Variants in TMEM131 observed in about 807,000 individuals in gnomAD.
TMEM131 encodes the protein 2610524E03Rik.
A neutral mutation model predicts 211.6 loss-of-function variants in TMEM131; 66 were observed. The observed-to-expected ratio is 0.31, with a 90% CI of 0.26 to 0.38. The LOEUF is 0.38. Ranked by LOEUF, TMEM131 falls within the 10% of genes least tolerant of loss-of-function variation. The probability of loss-of-function intolerance (pLI) is 1.00; values close to 1 mark genes in which losing one functional copy is unlikely to be tolerated. For missense variants in TMEM131, 2,036 were observed against 2,299.3 expected (o/e 0.89, Z 2.34); for synonymous variants, 844 against 841.3 (o/e 1.00, Z -0.06).
rs555666147 is a variant in TMEM131, at chr2:97,831,946, C to T, written c.1074+1419G>A. Among the ~76,000 whole-genome samples the T allele has an allele frequency of 7.4e-5, 10 of 134,402 alleles. No homozygotes were observed. In the South Asian group the frequency reaches 9.9e-4, roughly 13 times the overall value. The allele number at this position is 134,402 out of a possible 152,430, so 88.2% of individuals were successfully genotyped here. On this transcript the variant is annotated intron_variant, in intron 11 of 40. Coordinates refer to ENST00000186436, the MANE Select transcript of TMEM131 (RefSeq NM_015348.2). ...CCTCCCAAAGTGCTGGGATTACAGG[C>T]GTGAGGCCACCATGCCTGGCCTATT... is the stretch of plus-strand genomic sequence containing the variant.
chr2:97,851,400 C>T (rs1673622853), intron 5 of TMEM131, among the ~76,000 whole-genome samples: 1 of 152,198 alleles, frequency 6.6e-6, no homozygotes, highest in Admixed American at 6.5e-5. Flanking sequence ...TGACTCTTCT[C>T]TTTCTCTCAA....
At chr2:97,855,681 CAGAG>C (rs1673811742) in intron 5 of TMEM131, among the ~76,000 whole-genome samples, 1 of 144,820 alleles carries the variant, frequency 6.9e-6, no homozygotes, top group South Asian at 2.1e-4. Flanking sequence ...GCCTGGGTGA[CAGAG>C]AGAGACCCTG....
At chr2:97,877,309 C>G (rs1041439954) in intron 4 of TMEM131, among the ~76,000 whole-genome samples, 7 of 152,132 alleles carry the variant, frequency 4.6e-5, no homozygotes, top group Non-Finnish European at 1.0e-4. Context: ...CACTGCTATC[C>G]CCAACAAGCT....
At chr2:97,795,248 T>A in intron 28 of TMEM131, 133 bp from the exon 29 acceptor site, 2 of 576,272 alleles carry the variant, frequency 3.5e-6, no homozygotes, top group East Asian at 6.0e-5. Context: ...AACTTCCGTA[T>A]TTTAAGATGA....
intron 1 of TMEM131, among the ~76,000 whole-genome samples, chr2:97,941,961 C>A (rs914427131): frequency 2.6e-5 from 4 of 152,132 alleles, no homozygotes; most frequent in Non-Finnish European, 4.4e-5. Context: ...TTGACCCAGC[C>A]ATCCCATTAC....
rs1306025803 is a variant in TMEM131 at position 97,766,587 on chromosome 2, T to C, written c.4464A>G (p.Pro1488=). The change falls in exon 34 of 41, where the codon CCA becomes CCG. Residue 1488 remains proline, a synonymous_variant. Coordinates refer to ENST00000186436, the MANE Select transcript of TMEM131 (RefSeq NM_015348.2). ...GCTTACTTTCCAAAGGGGGAGTATA[T>C]GGTAGTTCTAATGAACTGAAAGACA... The part of the protein sequence containing the change: ...TDVKPSSLEL[P]YTPPLESKQR... The C allele has an allele frequency of 3.1e-6, 5 of 1,613,802 alleles. No individual in the cohort carries two copies. In the African/African-American group the frequency reaches 5.3e-5, roughly 17 times the overall value.
At chr2:97,974,705 A>G (rs182698713) in intron 1 of TMEM131, among the ~76,000 whole-genome samples, 56 of 152,100 alleles carry the variant, frequency 3.7e-4, no homozygotes, top group African/African-American at 1.3e-3. Context: ...TTTAAAGACT[A>G]AAAGAAAAAG....
intron 3 of TMEM131, 93 bp from the exon 4 acceptor site, chr2:97,888,213 T>C: frequency 9.4e-7 from 1 of 1,065,070 alleles, no homozygotes; most frequent in Non-Finnish European, 1.3e-6. Flanking sequence ...GTCATAACAA[T>C]GCCATTTTAA....
In TMEM131 at chr2:97,759,838, G is replaced by A. The variant is rs1273159532; in HGVS notation, c.5109-89C>T. 15 of 893,260 alleles carry A rather than the reference G, an allele frequency of 1.7e-5. No individual in the cohort carries two copies. The South Asian group carries it at 2.0e-4, about 12-fold the overall frequency. The allele number at this position is 893,260 out of a possible 1,614,324, so 55.3% of individuals were successfully genotyped here. ...ATAGTGCACAGCTTCACAAACAGGA[G>A]ACACTGCTTCAACTGGGGGTACTCA... On this transcript the variant is annotated intron_variant, in intron 38 of 40. Transcript: ENST00000186436.
intron 1 of TMEM131, among the ~76,000 whole-genome samples, chr2:97,927,738 T>G (rs1270920454): frequency 6.6e-6 from 1 of 152,162 alleles, no homozygotes; most frequent in Non-Finnish European, 1.5e-5. Flanking sequence ...TATCCATTAC[T>G]GTTATATTAT....
Position 97,931,366 on chromosome 2 carries a change from C to G in TMEM131, c.188-3879G>C, listed in dbSNP as rs191749358. On this transcript the variant is annotated intron_variant, in intron 1 of 40. Transcript: ENST00000186436. Reference sequence around the variant, plus strand: ...AGTTGTTTCAAAATAGGAACACTTGCTTTCAAAACAGAAGTTCACAAACTG... The same window carrying G: ...AGTTGTTTCAAAATAGGAACACTTGGTTTCAAAACAGAAGTTCACAAACTG... Among the ~76,000 whole-genome samples, 92 of 149,100 alleles carry G rather than the reference C, an allele frequency of 6.2e-4. 1 individual carries two copies. The highest frequency in any genetic ancestry group is 2.2e-3 in the African/African-American group (85 of 38,554).
At chr2:97,780,978 C>T (rs1170159557) in intron 31 of TMEM131, among the ~76,000 whole-genome samples, 3 of 152,156 alleles carry the variant, frequency 2.0e-5, no homozygotes, top group Non-Finnish European at 2.9e-5. Flanking sequence ...ACACCACTGC[C>T]CGGATGAAGC....
At position 97,841,927 on chromosome 2, in the gene TMEM131, A is replaced by C; in HGVS notation, c.611T>G (p.Val204Gly). The C allele has an allele frequency of 1.3e-6, 2 of 1,571,078 alleles. No homozygotes were observed. Among genetic ancestry groups the C allele is most frequent in the Non-Finnish European group, 1.7e-6 (2 of 1,156,978 alleles). The change falls in exon 7 of 41, where the codon GTT (valine) becomes GGT (glycine). Residue 204 changes from valine to glycine, a missense_variant. Transcript: ENST00000186436. Reference protein sequence around the residue: ...HGVFTYQVFGVGVPNPYRLRP... With the variant: ...HGVFTYQVFGGGVPNPYRLRP... ...CAATCGATATGGATTTGGAACTCCA[A>C]CACCAAATACCTGTTTCAGTGGAGG...
intron 5 of TMEM131, among the ~76,000 whole-genome samples, chr2:97,855,172 G>A (rs556346463): frequency 2.0e-5 from 3 of 152,196 alleles, no homozygotes; most frequent in Admixed American, 6.5e-5. Context: ...AGGTGGGGTG[G>A]CAAAACTATT....
At chr2:97,829,720 C>T (rs996994548) in intron 11 of TMEM131, among the ~76,000 whole-genome samples, 30 of 152,166 alleles carry the variant, frequency 2.0e-4, no homozygotes, top group African/African-American at 7.0e-4. Context: ...ACACTCACAA[C>T]GAAGGTCTAT....
chr2:97,805,839 A>C lies in TMEM131; in HGVS notation c.2056-136T>G, dbSNP rs1057483873. The C allele has an allele frequency of 3.3e-5, 27 of 824,244 alleles. No homozygotes were observed. In the South Asian group the frequency reaches 8.2e-4, roughly 25 times the overall value. 51.1% of individuals were successfully genotyped at this position (824,244 alleles called of 1,614,324 possible). A position where few individuals can be genotyped will look rare whatever the true frequency, so the allele number is the denominator to read the frequency against. On this transcript the variant is annotated intron_variant, in intron 19 of 40. Transcript: ENST00000186436. ...ATCTTAGAATGTTCATCAATTGATA[A>C]TCTTTAAATTGTAATCAACAGCCAA...
intron 31 of TMEM131, among the ~76,000 whole-genome samples, chr2:97,787,778 G>A (rs551275235): frequency 6.6e-6 from 1 of 152,178 alleles, no homozygotes; most frequent in Non-Finnish European, 1.5e-5. Context: ...CACCCAGAGT[G>A]TTGCATAAGG....
intron 31 of TMEM131, among the ~76,000 whole-genome samples, chr2:97,776,865 T>C (rs920922449): frequency 2.0e-5 from 3 of 152,198 alleles, no homozygotes; most frequent in Non-Finnish European, 2.9e-5. Flanking sequence ...ATCTGTAAGA[T>C]GGAGACACAA....
chr2:97,775,833 C>A lies in TMEM131; in HGVS notation c.4320+10G>T, dbSNP rs764293351. On this transcript the variant is annotated intron_variant, in intron 32 of 40. Coordinates refer to ENST00000186436, the MANE Select transcript of TMEM131 (RefSeq NM_015348.2). ...TCCCTCGTGTTTTGTTGTGTGAGAT[C>A]AGCCCGTACCTCCTTGAGGAGCGGT... is the stretch of plus-strand genomic sequence containing the variant. 3.1e-6 allele frequency: 5 copies of A among 1,604,152 alleles called. No homozygotes were observed. Among genetic ancestry groups the A allele is most frequent in the Non-Finnish European group, 4.2e-6 (5 of 1,176,836 alleles).
Sources: allele counts gnomAD v4.1 joint callset (sites outside exome capture counted in the v4.1 genomes callset), GRCh38; gene constraint gnomAD v4.1.1; transcripts MANE v1.5; gene names NCBI Gene and HGNC (gene_info 2026-07-23, HGNC 2026-07-21).